The following GABRA3 variants were observed in gnomAD, a reference collection of about 807,000 sequenced individuals.
GABRA3 encodes the protein gamma-aminobutyric acid receptor subunit alpha-3.
Under a neutral mutation model 30.1 loss-of-function variants are expected in GABRA3, and 10 were observed. The ratio of observed to expected loss-of-function variants is 0.33; its 90% CI spans 0.20 to 0.56. The LOEUF is 0.56. Among genes scored for constraint, GABRA3 ranks in the 20% least tolerant of loss-of-function variants. The pLI is 0.89. For synonymous variants in GABRA3, 151 were observed against 146.8 expected (o/e 1.03, Z -0.21); for missense variants, 233 against 392.0 (o/e 0.59, Z 3.42).
At chrX:152,206,541 C>T (rs1937546470) in intron 7 of GABRA3, among the ~76,000 whole-genome samples, 1 of 111,574 alleles carries the variant, frequency 9.0e-6, no homozygotes, top group Non-Finnish European at 1.9e-5. Flanking sequence ...TGTCAATGCC[C>T]CTGCTTCACC....
At chrX:152,220,481 T>C (rs1937810766) in intron 6 of GABRA3, among the ~76,000 whole-genome samples, 1 of 111,547 alleles carries the variant, frequency 9.0e-6, no homozygotes. Flanking sequence ...TAGTTCCCAG[T>C]GGAGTTTATT....
intron 3 of GABRA3, among the ~76,000 whole-genome samples, chrX:152,339,246 A>G (rs1940279040): frequency 9.3e-6 from 1 of 107,784 alleles, no homozygotes; most frequent in Non-Finnish European, 1.9e-5. Flanking sequence ...TTTTTTTTTT[A>G]AGACGGAGTC....
chrX:152,401,333 G>A (rs1603254767), intron 1 of GABRA3, among the ~76,000 whole-genome samples: 1 of 107,847 alleles, frequency 9.3e-6, no homozygotes, highest in African/African-American at 3.4e-5. Flanking sequence ...ATTGATTAGA[G>A]TACACAGCAT....
intron 9 of GABRA3, among the ~76,000 whole-genome samples, chrX:152,187,586 T>C (rs780858547): frequency 9.0e-6 from 1 of 110,951 alleles, no homozygotes; most frequent in Non-Finnish European, 1.9e-5. Context: ...TGTATCAACA[T>C]AGAGGGATTT....
At chrX:152,410,224 G>T (rs1424760438) in intron 1 of GABRA3, among the ~76,000 whole-genome samples, 2 of 111,701 alleles carry the variant, frequency 1.8e-5, no homozygotes, top group Non-Finnish European at 3.8e-5. Context: ...CGCAGGGAAG[G>T]GTTGTGGGGG....
rs1936936196 is a variant in GABRA3 at position 152,166,310 on chromosome X, G to A, written c.*1918C>T. The A allele has an allele frequency of 9.0e-6, 1 of 111,513 alleles. No individual in the cohort carries two copies. Among genetic ancestry groups the A allele is most frequent in the South Asian group, 3.8e-4 (1 of 2,663 alleles). 9.2% of individuals were successfully genotyped at this position (111,513 alleles called of 1,213,427 possible). ...TTTGGAAACACAATTTCTACAGAGA[G>A]GCAAAGATCAGGCTTCCATTCTAAG... On this transcript the variant is annotated 3_prime_UTR_variant, in exon 10 of 10. Transcript: ENST00000370314.
At chrX:152,448,877 G>A (rs1364241964) in intron 1 of GABRA3, among the ~76,000 whole-genome samples, 1 of 111,110 alleles carries the variant, frequency 9.0e-6, no homozygotes, top group Non-Finnish European at 1.9e-5. Flanking sequence ...GAATATGAAA[G>A]CGACCTTCCT....
chrX:152,262,134 G>A (rs1938741185), intron 4 of GABRA3, among the ~76,000 whole-genome samples: 1 of 112,216 alleles, frequency 8.9e-6, no homozygotes, highest in African/African-American at 3.2e-5. Context: ...AAGATGCAGG[G>A]CACTGTCCCC....
intron 4 of GABRA3, among the ~76,000 whole-genome samples, chrX:152,274,764 A>G (rs1939012074): frequency 9.1e-6 from 1 of 109,898 alleles, no homozygotes; most frequent in Non-Finnish European, 1.9e-5. Flanking sequence ...GGACCACAGA[A>G]TACCCCAAGG....
rs772308956 is a variant in GABRA3 at position 152,280,881 on chromosome X, C to A, written c.330+3787G>T. ...ATTTTAAGTTTCCCAGTTATTATCT[C>A]CCTGACTCTCCTAACATTACTCCTC... is the stretch of plus-strand genomic sequence containing the variant. On this transcript the variant is annotated intron_variant, in intron 4 of 9. Transcript: ENST00000370314. Among the ~76,000 whole-genome samples the A allele has an allele frequency of 2.0e-4, 22 of 110,903 alleles. 1 individual carries two copies. The Middle Eastern group carries it at 0.023, about 116-fold the overall frequency.
At chrX:152,411,553 T>C (rs1888030916) in intron 1 of GABRA3, among the ~76,000 whole-genome samples, 1 of 111,601 alleles carries the variant, frequency 9.0e-6, no homozygotes, top group Non-Finnish European at 1.9e-5. Flanking sequence ...CTGTTTCACT[T>C]ATCATATGCA....
intron 1 of GABRA3, among the ~76,000 whole-genome samples, chrX:152,410,434 T>A (rs1392306830): frequency 1.8e-5 from 2 of 111,559 alleles, no homozygotes; most frequent in Non-Finnish European, 3.8e-5. Context: ...ATTATGCCAT[T>A]TGATCAATAG....
intron 4 of GABRA3, among the ~76,000 whole-genome samples, chrX:152,275,512 T>G (rs1046484075): frequency 1.9e-5 from 2 of 106,656 alleles, no homozygotes; most frequent in Admixed American, 1.1e-4. Flanking sequence ...ATCCCAGCAC[T>G]TTGGGAGGCC....
intron 1 of GABRA3, among the ~76,000 whole-genome samples, chrX:152,400,465 C>T (rs770752702): frequency 1.8e-5 from 2 of 110,868 alleles, no homozygotes; most frequent in South Asian, 3.9e-4. Context: ...GCTGTGATCT[C>T]GCCACTGCAC....
At chrX:152,179,661 A>AT (rs1185020502) in intron 9 of GABRA3, among the ~76,000 whole-genome samples, 2 of 109,386 alleles carry the variant, frequency 1.8e-5, no homozygotes, top group Non-Finnish European at 3.8e-5. Flanking sequence ...CACCTGGCTA[A>AT]TTTTTTGTAT....
intron 1 of GABRA3, among the ~76,000 whole-genome samples, chrX:152,405,171 G>C (rs1253976022): frequency 9.3e-6 from 1 of 108,085 alleles, no homozygotes. Flanking sequence ...GGAGGAGGGA[G>C]AGCAAGGTGA....
At chrX:152,241,848 T>G (rs1041409654) in intron 5 of GABRA3, among the ~76,000 whole-genome samples, 3 of 111,810 alleles carry the variant, frequency 2.7e-5, no homozygotes, top group South Asian at 3.8e-4. Flanking sequence ...AGGCAATGCC[T>G]CGCCCTGCTT....
intron 3 of GABRA3, among the ~76,000 whole-genome samples, chrX:152,324,488 A>G (rs1186479913): frequency 8.9e-6 from 1 of 112,128 alleles, no homozygotes; most frequent in Non-Finnish European, 1.9e-5. Context: ...CTGACAGACT[A>G]TATCATGTGT....
intron 3 of GABRA3, among the ~76,000 whole-genome samples, chrX:152,341,782 T>C (rs1940317878): frequency 9.0e-6 from 1 of 111,160 alleles, no homozygotes; most frequent in African/African-American, 3.3e-5. Context: ...CCTTGTGATC[T>C]ACCTGCCTCG....
Sources: gnomAD v4.1 joint callset for allele counts (sites outside exome capture counted in the v4.1 genomes callset) on GRCh38, gnomAD v4.1.1 for gene constraint, MANE v1.5 for transcripts, NCBI Gene and HGNC (gene_info 2026-07-23, HGNC 2026-07-21) for gene names.